KCNH8: variants seen among roughly 807,000 people sequenced by gnomAD.
KCNH8 encodes the protein potassium voltage-gated channel subfamily H member 8.
KCNH8 carries 70 observed loss-of-function variants against 103.6 expected under a neutral mutation model. The observed-to-expected ratio is 0.68, with a 90% CI of 0.56 to 0.82. The LOEUF (loss-of-function observed/expected upper bound fraction) is 0.82. Among genes scored for constraint, KCNH8 ranks in the 40% least tolerant of loss-of-function variants. The pLI is 0.00. For synonymous variants in KCNH8, 498 were observed against 489.4 expected (o/e 1.02, Z -0.23); for missense variants, 1,217 against 1,329.9 (o/e 0.92, Z 1.32).
At chr3:19,467,324 C>CACAT (rs1553602419) in intron 11 of KCNH8, among the ~76,000 whole-genome samples, 6 of 151,902 alleles carry the variant, frequency 3.9e-5, no homozygotes, top group African/African-American at 4.8e-5. Flanking sequence ...CACACACACA[C>CACAT]ACATGTGCAC....
intron 11 of KCNH8, among the ~76,000 whole-genome samples, chr3:19,494,829 A>G (rs2068403105): frequency 6.6e-6 from 1 of 152,158 alleles, no homozygotes; most frequent in Non-Finnish European, 1.5e-5. Context: ...ACAGTATATA[A>G]GTGTTCCTTT....
Position 19,253,702 on chromosome 3 carries a change from T to TA in KCNH8, c.126dup (p.Val43SerfsTer17). 9 of 1,613,756 alleles carry TA rather than the reference T, an allele frequency of 5.6e-6. No individual in the cohort carries two copies. Among genetic ancestry groups the TA allele is most frequent in the Non-Finnish European group, 7.6e-6 (9 of 1,179,888 alleles). ...GCCCAGGTGGCTAAGGGTTTCCCCA[T>TA]AGTCTACTGTTCCGATGGCTTCTGC... On this transcript the variant is annotated frameshift_variant, in exon 2 of 16. Transcript: ENST00000328405. LOFTEE classifies it high-confidence loss of function.
chr3:19,474,944 G>C (rs967466473), intron 11 of KCNH8, among the ~76,000 whole-genome samples: 1 of 152,098 alleles, frequency 6.6e-6, no homozygotes, highest in African/African-American at 2.4e-5. Context: ...AACGAAATAG[G>C]ATTCTATCAA....
intron 2 of KCNH8, among the ~76,000 whole-genome samples, chr3:19,267,625 C>T (rs1269392577): frequency 6.6e-6 from 1 of 151,966 alleles, no homozygotes; most frequent in East Asian, 1.9e-4. Context: ...GTGATCTTAG[C>T]CAAGCTGATT....
chr3:19,239,496 G>A lies in KCNH8; in HGVS notation c.77-14158G>A, dbSNP rs374314883. On this transcript the variant is annotated intron_variant, in intron 1 of 15. Transcript: ENST00000328405. Reference sequence around the variant, plus strand: ...TCATTGGACAGGACTTGTTAACTTGGCCACATAATGGCAAGTGAAAATATC... The same window carrying A: ...TCATTGGACAGGACTTGTTAACTTGACCACATAATGGCAAGTGAAAATATC... Among the ~76,000 whole-genome samples, 5 of 152,202 alleles carry A rather than the reference G, an allele frequency of 3.3e-5. No homozygotes were observed. The East Asian group carries it at 7.7e-4, about 23-fold the overall frequency.
intron 5 of KCNH8, among the ~76,000 whole-genome samples, chr3:19,350,532 C>CAG (rs1220168434): frequency 6.6e-6 from 1 of 152,082 alleles, no homozygotes; most frequent in Non-Finnish European, 1.5e-5. Flanking sequence ...ACGAAGCTTC[C>CAG]AGAGGAAGGA....
At chr3:19,376,382 T>A (rs1045346226) in intron 5 of KCNH8, among the ~76,000 whole-genome samples, 20 of 152,268 alleles carry the variant, frequency 1.3e-4, no homozygotes, top group African/African-American at 4.8e-4. Context: ...CTGTCACCCC[T>A]TTCTTTGACT....
intron 3 of KCNH8, among the ~76,000 whole-genome samples, chr3:19,304,024 A>G (rs2065097698): frequency 6.6e-6 from 1 of 152,182 alleles, no homozygotes; most frequent in Admixed American, 6.5e-5. Flanking sequence ...GAAGAAAATC[A>G]GGCAGTACTA....
chr3:19,363,961 T>C (rs1405315450), intron 5 of KCNH8, among the ~76,000 whole-genome samples: 1 of 152,132 alleles, frequency 6.6e-6, no homozygotes, highest in Admixed American at 6.6e-5. Flanking sequence ...AGTTTTATGA[T>C]GAGGAGAAAA....
intron 1 of KCNH8, among the ~76,000 whole-genome samples, chr3:19,169,255 C>CTTTTTTTTT (rs768036667): frequency 3.8e-4 from 48 of 124,944 alleles, no homozygotes; most frequent in Middle Eastern, 4.2e-3. Flanking sequence ...TTCTTTCTTT[C>CTTTTTTTTT]TTTTTTTTTT....
intron 5 of KCNH8, among the ~76,000 whole-genome samples, chr3:19,354,370 G>GA (rs2065848479): frequency 6.6e-6 from 1 of 152,028 alleles, no homozygotes; most frequent in African/African-American, 2.4e-5. Context: ...CACAGAATTG[G>GA]AAAAAACTAC....
chr3:19,392,587 A>G (rs2066455281), intron 6 of KCNH8, among the ~76,000 whole-genome samples: 1 of 152,032 alleles, frequency 6.6e-6, no homozygotes, highest in Admixed American at 6.6e-5. Context: ...TTAGAAAAAG[A>G]AACAAATAAC....
chr3:19,517,414 CCTGTACTCTT>C (rs1490035369), intron 14 of KCNH8, among the ~76,000 whole-genome samples: 1 of 151,972 alleles, frequency 6.6e-6, no homozygotes, highest in African/African-American at 2.4e-5. Context: ...CACTGACTCA[CCTGTACTCTT>C]GTCCCTGACA....
chr3:19,377,422 A>G (rs917768106), intron 5 of KCNH8, among the ~76,000 whole-genome samples: 1 of 152,220 alleles, frequency 6.6e-6, no homozygotes, highest in Non-Finnish European at 1.5e-5. Context: ...TAAGAGTCCA[A>G]GGGTGGTTAT....
chr3:19,465,253 T>C (rs567579302), intron 11 of KCNH8, among the ~76,000 whole-genome samples: 1 of 152,260 alleles, frequency 6.6e-6, no homozygotes, highest in African/African-American at 2.4e-5. Context: ...CTAATGCTCA[T>C]TTGTCATTCC....
chr3:19,344,206 C>T (rs1386919800), intron 4 of KCNH8, among the ~76,000 whole-genome samples: 2 of 152,020 alleles, frequency 1.3e-5, no homozygotes, highest in African/African-American at 4.8e-5. Flanking sequence ...GTAACCGCAT[C>T]TGGGCTTGAT....
intron 1 of KCNH8, among the ~76,000 whole-genome samples, chr3:19,201,231 CAAAAA>C (rs1170312203): frequency 3.0e-3 from 66 of 22,042 alleles, no homozygotes; most frequent in African/African-American, 0.011. Flanking sequence ...GACTCTGCCT[CAAAAA>C]AAAAAAAAAA....
rs1467917227 is a variant in KCNH8, at chr3:19,515,389, C to T, written c.2503C>T (p.Arg835Ter). 2 of 1,575,724 alleles carry T rather than the reference C, an allele frequency of 1.3e-6. No homozygotes were observed. Among genetic ancestry groups the T allele is most frequent in the South Asian group, 1.2e-5 (1 of 84,240 alleles). ...TCAGACTTTTGATTTTGGCTCTGAA[C>T]GAATCAGATCAGAGCCCAGAATTTC... ...ESQTFDFGSE[R>*]IRSEPRISPP... The change falls in exon 14 of 16, where the codon CGA becomes TGA. Residue 835 changes from arginine to a stop codon, truncating the protein, a stop_gained. Transcript: ENST00000328405. LOFTEE classifies it high-confidence loss of function.
chr3:19,494,848 A>G (rs2068403645), intron 11 of KCNH8, among the ~76,000 whole-genome samples: 1 of 152,020 alleles, frequency 6.6e-6, no homozygotes, highest in Non-Finnish European at 1.5e-5. Context: ...TTTCCCCCGT[A>G]ACCTTGCTAG....
Sources: gnomAD v4.1 joint callset for allele counts (sites outside exome capture counted in the v4.1 genomes callset) on GRCh38, gnomAD v4.1.1 for gene constraint, MANE v1.5 for transcripts, NCBI Gene and HGNC (gene_info 2026-07-23, HGNC 2026-07-21) for gene names.